Variants in RNF32 observed in about 807,000 individuals in gnomAD.
RNF32 encodes the protein ring finger protein 32.
Under a neutral mutation model 41.0 loss-of-function variants are expected in RNF32, and 36 were observed. The observed-to-expected ratio is 0.88, with a 90% CI of 0.67 to 1.16. RNF32 has a LOEUF of 1.16. Among genes scored for constraint, RNF32 ranks in the 50% most tolerant of loss-of-function variants. The pLI, the probability that RNF32 is intolerant of heterozygous loss-of-function variation, is 0.00. For synonymous variants in RNF32, 154 were observed against 160.9 expected (o/e 0.96, Z 0.32); for missense variants, 413 against 436.7 (o/e 0.95, Z 0.48).
chr7:156,652,864 T>G (rs1798942620), intron 3 of RNF32, among the ~76,000 whole-genome samples: 1 of 152,206 alleles, frequency 6.6e-6, no homozygotes, highest in African/African-American at 2.4e-5. Flanking sequence ...CAGCCTGCAG[T>G]GAGCCATGAC....
intron 7 of RNF32, among the ~76,000 whole-genome samples, chr7:156,672,765 C>T (rs1362319625): frequency 6.6e-6 from 1 of 152,252 alleles, no homozygotes; most frequent in Non-Finnish European, 1.5e-5. Flanking sequence ...CTCTGTTCCT[C>T]TCTCAAGTGG....
At chr7:156,659,646 C>T (rs1007569269) in intron 7 of RNF32, 3 of 925,822 alleles carry the variant, frequency 3.2e-6, no homozygotes, top group Admixed American at 6.2e-5. Flanking sequence ...TTCATGTGCA[C>T]ACATCATTTT....
intron 7 of RNF32, among the ~76,000 whole-genome samples, chr7:156,663,653 T>C (rs1306640743): frequency 1.3e-5 from 2 of 152,168 alleles, no homozygotes; most frequent in Non-Finnish European, 2.9e-5. Flanking sequence ...AAAAGACAGA[T>C]TGATGAGATA....
At chr7:156,658,705 C>T in intron 7 of RNF32, 135 bp downstream of exon 7, 1 of 761,328 alleles carries the variant, frequency 1.3e-6, no homozygotes. Context: ...GGGTGAGATG[C>T]TGCTAAAAAT....
At chr7:156,655,848 C>G (rs577353427) in intron 4 of RNF32, among the ~76,000 whole-genome samples, 1 of 152,012 alleles carries the variant, frequency 6.6e-6, no homozygotes, top group Non-Finnish European at 1.5e-5. Flanking sequence ...GGCTAAGCAC[C>G]CTCTTTCTTA....
chr7:156,643,896 C>A lies in RNF32; in HGVS notation c.15+4C>A, dbSNP rs936801566. On this transcript the variant is annotated splice_donor_region_variant and intron_variant, in intron 2 of 8. Transcript: ENST00000317955. ...ATTCGGCATGTTAAAAAATAAGGTA[C>A]GCTATTCTTTTCTTAAACATACACG... The A allele has an allele frequency of 6.2e-7, 1 of 1,609,318 alleles. No homozygotes were observed. Among genetic ancestry groups the A allele is most frequent in the Non-Finnish European group, 8.5e-7 (1 of 1,176,008 alleles).
chr7:156,655,031 C>T (rs1008516001), intron 4 of RNF32: 11 of 198,126 alleles, frequency 5.6e-5, no homozygotes, highest in Non-Finnish European at 1.0e-4. Context: ...TGTGTCCCAG[C>T]GCGGGAAGGA....
In RNF32 at chr7:156,675,726, T is replaced by A. The variant is rs756563565; in HGVS notation, c.715T>A (p.Ser239Thr). The A allele has an allele frequency of 3.1e-6, 5 of 1,613,238 alleles. No individual in the cohort carries two copies. The Admixed American group carries it at 8.3e-5, about 27-fold the overall frequency. The change falls in exon 8 of 9, where the codon TCA becomes ACA. Residue 239 changes from serine to threonine, a missense_variant. By Grantham distance (58) the Ser-to-Thr change is moderately conservative (BLOSUM62 1). Transcript: ENST00000317955. The part of the protein sequence containing the change: ...FTEISHRILC[S>T]YNTNIEELFA... ...AGAAATCAGCCACCGCATCCTGTGC[T>A]CATACAACACCAACATTGAAGAGCT... is the stretch of plus-strand genomic sequence containing the variant.
At chr7:156,660,312 TAA>T in intron 7 of RNF32, 1 of 982,206 alleles carries the variant, frequency 1.0e-6, no homozygotes, top group Non-Finnish European at 1.2e-6. Flanking sequence ...CAACACCATC[TAA>T]GAGATCAAGA....
At chr7:156,659,983 G>A (rs1335043900) in intron 7 of RNF32, 1 of 985,280 alleles carries the variant, frequency 1.0e-6, no homozygotes, top group Admixed American at 6.1e-5. Flanking sequence ...AACTTTACAA[G>A]GCAGATTCAT....
chr7:156,648,411 G>A (rs138865836), intron 3 of RNF32, among the ~76,000 whole-genome samples: 8 of 152,256 alleles, frequency 5.3e-5, no homozygotes, highest in East Asian at 1.9e-4. Flanking sequence ...GAATAATGTC[G>A]TACAGTAGTT....
At position 156,676,852 on chromosome 7, in the gene RNF32, T is replaced by C. The variant is rs1338234476; in HGVS notation, c.*197T>C. The C allele has an allele frequency of 1.2e-5, 7 of 567,016 alleles. No homozygotes were observed. The highest frequency in any genetic ancestry group is 2.2e-5 in the Non-Finnish European group (7 of 320,098). 35.1% of individuals were successfully genotyped at this position (567,016 alleles called of 1,614,324 possible). ...ATTTTAATCTTTGGTCTCTAAAAAG[T>C]AAATTTCAAATTTATGAGTTTAATC... On this transcript the variant is annotated 3_prime_UTR_variant, in exon 9 of 9. Transcript: ENST00000317955.
rs755595951 is a variant in RNF32, at chr7:156,675,857, A to G, written c.846A>G (p.Gln282=). Residue 282 remains glutamine (Q), a synonymous_variant, in exon 8 of 9, where the codon CAA becomes CAG. Transcript: ENST00000317955. ...EITEEEWEKI[Q]VQALRRETHE... is the part of the protein sequence containing the mutation. ...CAGAAGAGGAATGGGAGAAAATCCAAGTGCAGGTAGGTTTGGCTGGCAGCC... is the reference window on the plus strand; with the variant it reads ...CAGAAGAGGAATGGGAGAAAATCCAGGTGCAGGTAGGTTTGGCTGGCAGCC... 2.4e-5 allele frequency: 39 copies of G among 1,613,148 alleles called. No individual in the cohort carries two copies. The highest frequency in any genetic ancestry group is 3.1e-5 in the Non-Finnish European group (37 of 1,179,480).
chr7:156,643,980 G>T (rs1797685576), intron 2 of RNF32, 88 bp downstream of exon 2: 1 of 1,184,568 alleles, frequency 8.4e-7, no homozygotes, highest in Admixed American at 1.8e-5. Context: ...AAACTAGTTT[G>T]CAAACCCTGC....
At chr7:156,647,670 T>C (rs1355919110) in intron 3 of RNF32, among the ~76,000 whole-genome samples, 1 of 152,226 alleles carries the variant, frequency 6.6e-6, no homozygotes, top group African/African-American at 2.4e-5. Context: ...TTTCATATAA[T>C]GACTTCTTTT....
intron 4 of RNF32, among the ~76,000 whole-genome samples, chr7:156,656,448 GAA>G (rs1170240038): frequency 6.6e-6 from 1 of 152,158 alleles, no homozygotes; most frequent in East Asian, 1.9e-4. Flanking sequence ...ATTAAGTATA[GAA>G]AAGATTGCTA....
rs1218331335 is a variant in RNF32 at position 156,654,388 on chromosome 7, G to C, written c.275-188G>C. On this transcript the variant is annotated intron_variant, in intron 3 of 8. Transcript: ENST00000317955. The stretch of plus-strand genomic sequence containing the variant: ...CTCCACCATCTTCTATCAGGGACTT[G>C]AGCATCCTTGGAATGTCCTGGAACA... The C allele has an allele frequency of 6.0e-6, 3 of 500,490 alleles. No homozygotes were observed. The South Asian group carries it at 1.2e-4, about 20-fold the overall frequency. 31.0% of individuals were successfully genotyped at this position (500,490 alleles called of 1,614,324 possible).
Position 156,660,819 on chromosome 7 carries a change from T to C in RNF32, c.684+2249T>C, listed in dbSNP as rs577965133. The stretch of plus-strand genomic sequence containing the variant: ...TCCTGAGAAAGTGCACCCCGGGCGG[T>C]TGGATTACGGTTTGGTTTCATACAT... On this transcript the variant is annotated intron_variant, in intron 7 of 8. Transcript: ENST00000317955. Among the ~76,000 whole-genome samples the C allele has an allele frequency of 9.9e-5, 15 of 152,264 alleles. No individual in the cohort carries two copies. The South Asian group carries it at 2.7e-3, about 27-fold the overall frequency.
At chr7:156,674,703 A>C (rs1055464050) in intron 7 of RNF32, among the ~76,000 whole-genome samples, 7 of 152,210 alleles carry the variant, frequency 4.6e-5, no homozygotes, top group Non-Finnish European at 7.3e-5. Context: ...ACCAAAAAAA[A>C]CAAAGTACTG....
Sources: gnomAD v4.1 joint callset for allele counts (sites outside exome capture counted in the v4.1 genomes callset) on GRCh38, gnomAD v4.1.1 for gene constraint, MANE v1.5 for transcripts, NCBI Gene and HGNC (gene_info 2026-07-23, HGNC 2026-07-21) for gene names.